The following CEP85L variants were observed in gnomAD, a reference collection of about 807,000 sequenced individuals.
CEP85L encodes the protein centrosomal protein 85L.
In CEP85L, 60 loss-of-function variants were observed where a neutral mutation model predicts 100.3. The ratio of observed to expected loss-of-function variants is 0.60; its 90% CI spans 0.49 to 0.74. CEP85L has a LOEUF of 0.74. Among genes scored for constraint, CEP85L ranks in the 30% least tolerant of loss-of-function variants. CEP85L has a pLI of 0.00. For missense variants in CEP85L, 973 were observed against 936.2 expected (o/e 1.04, Z -0.51); for synonymous variants, 319 against 322.7 (o/e 0.99, Z 0.12).
chr6:118,594,729 G>A (rs1007359224), intron 2 of CEP85L, among the ~76,000 whole-genome samples: 5 of 151,222 alleles, frequency 3.3e-5, no homozygotes, highest in African/African-American at 1.2e-4. Context: ...GGTGGCAGGC[G>A]CCTGTAGTCC....
chr6:118,659,639 G>A (rs1230906372), intron 1 of CEP85L, among the ~76,000 whole-genome samples: 1 of 152,214 alleles, frequency 6.6e-6, no homozygotes, highest in African/African-American at 2.4e-5. Context: ...ATCAGCATTC[G>A]GGGAGAATAG....
At chr6:118,680,054 C>T (rs1045771832) in intron 1 of CEP85L, among the ~76,000 whole-genome samples, 59 of 151,296 alleles carry the variant, frequency 3.9e-4, no homozygotes, top group African/African-American at 1.3e-3. Flanking sequence ...TGGAGGCCAA[C>T]GCAGGAGAAT....
chr6:118,587,792 T>C (rs1315887195), intron 2 of CEP85L, among the ~76,000 whole-genome samples: 1 of 152,214 alleles, frequency 6.6e-6, no homozygotes, highest in East Asian at 1.9e-4. Flanking sequence ...TGGACCCTTT[T>C]CACTTGGCAT....
intron 2 of CEP85L, among the ~76,000 whole-genome samples, chr6:118,572,244 CAT>C (rs898493028): frequency 1.6e-4 from 10 of 63,952 alleles, no homozygotes; most frequent in African/African-American, 2.4e-4. Context: ...AAAAAAAAAA[CAT>C]GTTATGCCAC....
chr6:118,494,511 A>G (rs1774794998), intron 5 of CEP85L, among the ~76,000 whole-genome samples: 1 of 152,178 alleles, frequency 6.6e-6, no homozygotes, highest in Non-Finnish European at 1.5e-5. Flanking sequence ...AGGAGGGTTA[A>G]TACACAAATC....
intron 1 of CEP85L, among the ~76,000 whole-genome samples, chr6:118,633,567 G>GT (rs1774310914): frequency 6.6e-6 from 1 of 152,016 alleles, no homozygotes; most frequent in African/African-American, 2.4e-5. Flanking sequence ...TTCTTTCAAT[G>GT]TTTATTTCCA....
At chr6:118,628,939 A>T (rs1181842585) in intron 2 of CEP85L, among the ~76,000 whole-genome samples, 2 of 152,224 alleles carry the variant, frequency 1.3e-5, no homozygotes, top group African/African-American at 4.8e-5. Context: ...TGCCAAGAGA[A>T]TAAGACAAGC....
At chr6:118,602,862 C>A (rs941494789) in intron 2 of CEP85L, among the ~76,000 whole-genome samples, 1 of 151,772 alleles carries the variant, frequency 6.6e-6, no homozygotes, top group Non-Finnish European at 1.5e-5. Flanking sequence ...GCACGGTCAC[C>A]CAGGCTGGAG....
intron 3 of CEP85L, among the ~76,000 whole-genome samples, chr6:118,539,042 T>C (rs1478227902): frequency 6.6e-6 from 1 of 152,126 alleles, no homozygotes. Flanking sequence ...AGGTTATGAA[T>C]AGCAAATTTA....
intron 9 of CEP85L, among the ~76,000 whole-genome samples, chr6:118,480,187 T>C (rs757583141): frequency 7.2e-5 from 11 of 152,152 alleles, no homozygotes; most frequent in Admixed American, 3.3e-4. Context: ...AGGAAAAAGA[T>C]ATCCTTTTGT....
chr6:118,609,666 A>C (rs1398919421), intron 2 of CEP85L, among the ~76,000 whole-genome samples: 1 of 152,176 alleles, frequency 6.6e-6, no homozygotes, highest in Non-Finnish European at 1.5e-5. Context: ...CATCAAGCAA[A>C]AGAGATCAGA....
chr6:118,502,999 A>G, intron 5 of CEP85L: 1 of 248,646 alleles, frequency 4.0e-6, no homozygotes, highest in Non-Finnish European at 8.1e-6. Context: ...AAACGCTTTC[A>G]CAAGATATCA....
chr6:118,702,914 T>C (rs1249372765), intron 1 of CEP85L, among the ~76,000 whole-genome samples: 1 of 147,846 alleles, frequency 6.8e-6, no homozygotes, highest in African/African-American at 2.5e-5. Context: ...GAGAATGGCA[T>C]GAACCTGGGA....
intron 2 of CEP85L, chr6:118,589,570 G>A (rs754214946): frequency 8.1e-5 from 21 of 259,136 alleles, no homozygotes; most frequent in African/African-American, 2.3e-4. Flanking sequence ...CTGGACCCAC[G>A]GACTGCGAGA....
chr6:118,466,657 A>C (rs1280487584), intron 12 of CEP85L, among the ~76,000 whole-genome samples: 1 of 152,192 alleles, frequency 6.6e-6, no homozygotes, highest in East Asian at 1.9e-4. Flanking sequence ...CTAAAATGGT[A>C]GAGTACAAAC....
chr6:118,677,355 G>C lies in CEP85L; in HGVS notation c.-27-24547C>G, dbSNP rs548275563. The stretch of plus-strand genomic sequence containing the variant: ...GGGTGACGTGAGAAGGGGGCGAGCT[G>C]TACAAGCAGTCCTGACACTGTCCGT... On this transcript the variant is annotated intron_variant, in intron 1 of 13. Transcript: ENST00000368488. 3.3e-5 allele frequency among the ~76,000 whole-genome samples: 5 copies of C among 152,282 alleles called. 1 individual carries two copies. The highest frequency in any genetic ancestry group is 1.2e-4 in the African/African-American group (5 of 41,558).
chr6:118,558,621 GCACATACACA>G (rs776424363), intron 3 of CEP85L, among the ~76,000 whole-genome samples: 1 of 60,010 alleles, frequency 1.7e-5, no homozygotes, highest in African/African-American at 5.1e-5. Flanking sequence ...AGAAACACGT[GCACATACACA>G]CACACACACA....
At chr6:118,488,662 G>A (rs1195281123) in intron 6 of CEP85L, among the ~76,000 whole-genome samples, 1 of 152,164 alleles carries the variant, frequency 6.6e-6, no homozygotes, top group African/African-American at 2.4e-5. Context: ...GTGTGTGTGG[G>A]AGGGAGAGGC....
At chr6:118,601,140 T>C (rs1230366405) in intron 2 of CEP85L, among the ~76,000 whole-genome samples, 1 of 152,234 alleles carries the variant, frequency 6.6e-6, no homozygotes, top group Non-Finnish European at 1.5e-5. Flanking sequence ...TAGTCTCACT[T>C]TCCTCATTTG....
Sources: gnomAD v4.1 joint callset for allele counts (sites outside exome capture counted in the v4.1 genomes callset) on GRCh38, gnomAD v4.1.1 for gene constraint, MANE v1.5 for transcripts, NCBI Gene and HGNC (gene_info 2026-07-23, HGNC 2026-07-21) for gene names.